The following EMCN variants were observed in gnomAD, a reference collection of about 807,000 sequenced individuals.
The protein encoded by EMCN is endomucin.
A neutral mutation model predicts 38.4 loss-of-function variants in EMCN; 37 were observed. That is an observed-to-expected ratio of 0.96 (90% confidence interval 0.74 to 1.27). The LOEUF (loss-of-function observed/expected upper bound fraction) is 1.27. EMCN is among the 50% of genes most tolerant of loss of function. The pLI is 0.00. For missense variants in EMCN, 318 were observed against 302.8 expected, an observed-to-expected ratio of 1.05 and a Z score of -0.37; for synonymous variants, 95 against 100.8, an observed-to-expected ratio of 0.94 and a Z score of 0.35.
Position 100,467,337 on chromosome 4 carries a change from T to C in EMCN, c.260-1798A>G, listed in dbSNP as rs544112880. On this transcript the variant is annotated intron_variant, in intron 3 of 11. Transcript: ENST00000296420. ...TAATATACAGAAATGCTTCAAATCCTAGTCTCAGGAGAGAAGAATCTATGC... is the reference window on the plus strand; with the variant it reads ...TAATATACAGAAATGCTTCAAATCCCAGTCTCAGGAGAGAAGAATCTATGC... Among the ~76,000 whole-genome samples the C allele has an allele frequency of 5.3e-5, 8 of 152,306 alleles. No homozygotes were observed. The South Asian group carries it at 1.0e-3, about 20-fold the overall frequency.
intron 5 of EMCN, among the ~76,000 whole-genome samples, chr4:100,440,322 T>C (rs1578195867): frequency 6.6e-6 from 1 of 152,232 alleles, no homozygotes; most frequent in East Asian, 1.9e-4. Context: ...ATTCTGAGGT[T>C]TTAGTGCATC....
chr4:100,452,023 C>T (rs913746601), intron 4 of EMCN, among the ~76,000 whole-genome samples: 2 of 151,896 alleles, frequency 1.3e-5, no homozygotes, highest in Admixed American at 6.6e-5. Context: ...TGAACGTAAG[C>T]AATCAGACAT....
chr4:100,442,547 G>C (rs1180304068), intron 5 of EMCN, among the ~76,000 whole-genome samples: 1 of 127,868 alleles, frequency 7.8e-6, no homozygotes, highest in Non-Finnish European at 1.6e-5. Context: ...CATAAGTCTT[G>C]TAGGCTGTCT....
chr4:100,504,253 C>T lies in EMCN; in HGVS notation c.64+13598G>A, dbSNP rs774930284. ...GAAGGCATAACGGCCTAGGATCTGA[C>T]TCACTCCTGGGAAATCTAGAGAATT... On this transcript the variant is annotated intron_variant, in intron 1 of 11. Transcript: ENST00000296420. Among the ~76,000 whole-genome samples, 93 of 152,134 alleles carry T rather than the reference C, an allele frequency of 6.1e-4. 1 individual carries two copies. The highest frequency in any genetic ancestry group is 3.4e-4 in the Non-Finnish European group (23 of 68,036).
At chr4:100,429,108 G>A (rs1285500116) in intron 5 of EMCN, among the ~76,000 whole-genome samples, 1 of 152,074 alleles carries the variant, frequency 6.6e-6, no homozygotes, top group Non-Finnish European at 1.5e-5. Flanking sequence ...GAAGTAAACA[G>A]GCCCCTTCTA....
chr4:100,461,996 A>G (rs896112004), intron 4 of EMCN, among the ~76,000 whole-genome samples: 2 of 152,188 alleles, frequency 1.3e-5, no homozygotes, highest in African/African-American at 4.8e-5. Context: ...CTAACCAGGA[A>G]TCTGGGAGAG....
At chr4:100,412,977 C>A (rs1726607225) in intron 10 of EMCN, among the ~76,000 whole-genome samples, 1 of 152,088 alleles carries the variant, frequency 6.6e-6, no homozygotes. Context: ...TTCTAGAAAA[C>A]CAGAAGATTT....
intron 1 of EMCN, among the ~76,000 whole-genome samples, chr4:100,510,236 A>G (rs1186328387): frequency 6.6e-6 from 1 of 152,180 alleles, no homozygotes; most frequent in Non-Finnish European, 1.5e-5. Context: ...TACAAACACA[A>G]TTTTGCTTAT....
chr4:100,398,842 C>T (rs1726180658), intron 11 of EMCN, among the ~76,000 whole-genome samples: 1 of 152,144 alleles, frequency 6.6e-6, no homozygotes, highest in Non-Finnish European at 1.5e-5. Flanking sequence ...TTGCAATAGC[C>T]TCTGACTTCT....
rs1230638521 is a variant in EMCN at position 100,486,943 on chromosome 4, A to G, written c.65-6904T>C. The stretch of plus-strand genomic sequence containing the variant: ...TAATTCTTCAAAGATCATGTTCCAT[A>G]GTAATGAGATATTTTTAGATTGTGG... On this transcript the variant is annotated intron_variant, in intron 1 of 11. Coordinates refer to ENST00000296420, the MANE Select transcript of EMCN (RefSeq NM_016242.4). 4 of 985,196 alleles carry G rather than the reference A, an allele frequency of 4.1e-6. No individual in the cohort carries two copies. The African/African-American group carries it at 7.0e-5, about 17-fold the overall frequency. The allele number at this position is 985,196 out of a possible 1,614,324, so 61.0% of individuals were successfully genotyped here.
intron 5 of EMCN, among the ~76,000 whole-genome samples, chr4:100,442,182 C>T (rs946140800): frequency 1.1e-4 from 17 of 152,150 alleles, no homozygotes; most frequent in African/African-American, 4.1e-4. Context: ...GCTAGCAATG[C>T]TTTTGTTCTT....
chr4:100,418,861 G>A (rs753257676), intron 8 of EMCN, among the ~76,000 whole-genome samples: 2 of 152,038 alleles, frequency 1.3e-5, no homozygotes, highest in Non-Finnish European at 2.9e-5. Context: ...GGGACTGCAG[G>A]TATTTCTTTG....
intron 11 of EMCN, among the ~76,000 whole-genome samples, chr4:100,398,855 G>A (rs1420348497): frequency 6.6e-6 from 1 of 152,028 alleles, no homozygotes; most frequent in African/African-American, 2.4e-5. Flanking sequence ...TGACTTCTCT[G>A]CTTCTGATCT....
intron 2 of EMCN, among the ~76,000 whole-genome samples, chr4:100,476,073 T>G (rs1397519824): frequency 6.6e-6 from 1 of 152,068 alleles, no homozygotes; most frequent in African/African-American, 2.4e-5. Flanking sequence ...ATATAACATA[T>G]GAAAATCAAC....
intron 2 of EMCN, among the ~76,000 whole-genome samples, 193 bp from the exon 3 acceptor site, chr4:100,475,302 T>TACACACACAC (rs59162117): frequency 0.36 from 51,895 of 142,806 alleles, 10,231 homozygotes; most frequent in East Asian, 0.69. Context: ...TTGGGTGGCC[T>TACACACACAC]ACACACACAC....
Position 100,460,519 on chromosome 4 carries a change from G to A in EMCN, c.376+4904C>T, listed in dbSNP as rs538791057. On this transcript the variant is annotated intron_variant, in intron 4 of 11. Transcript: ENST00000296420. ...GAAGGCTAATGAGGAGCAAAGTCAC[G>A]TCTTACATGATGGCAGGCAAGAGAG... Among the ~76,000 whole-genome samples, 138 of 152,256 alleles carry A rather than the reference G, an allele frequency of 9.1e-4. 6 individuals carry two copies. The South Asian group carries it at 0.024, about 27-fold the overall frequency.
intron 1 of EMCN, among the ~76,000 whole-genome samples, chr4:100,482,254 G>A (rs1728828178): frequency 6.6e-6 from 1 of 151,978 alleles, no homozygotes; most frequent in Non-Finnish European, 1.5e-5. Context: ...GAGTGGTATT[G>A]CAAATAATAG....
intron 1 of EMCN, among the ~76,000 whole-genome samples, chr4:100,496,945 T>G (rs932155437): frequency 6.6e-6 from 1 of 152,052 alleles, no homozygotes; most frequent in African/African-American, 2.4e-5. Flanking sequence ...AGCTTCTCCA[T>G]ATGACAGAAA....
intron 11 of EMCN, among the ~76,000 whole-genome samples, chr4:100,409,213 GTATT>G (rs1212877648): frequency 1.4e-5 from 2 of 139,914 alleles, no homozygotes; most frequent in Non-Finnish European, 3.0e-5. Context: ...TTCTGGACAC[GTATT>G]TATTTTATTT....
Sources: gnomAD v4.1 joint callset for allele counts (sites outside exome capture counted in the v4.1 genomes callset) on GRCh38, gnomAD v4.1.1 for gene constraint, MANE v1.5 for transcripts, NCBI Gene and HGNC (gene_info 2026-07-23, HGNC 2026-07-21) for gene names.